The following SYNDIG1 variants were observed in gnomAD, a reference collection of about 807,000 sequenced individuals.
SYNDIG1 encodes the protein synapse differentiation-inducing gene protein 1.
In SYNDIG1, 9 loss-of-function variants were observed where a neutral mutation model predicts 19.4. The observed-to-expected ratio is 0.46, with a 90% CI of 0.28 to 0.81. SYNDIG1 has a LOEUF of 0.81. Ranked by LOEUF, SYNDIG1 falls within the 30% of genes least tolerant of loss-of-function variation. The probability of loss-of-function intolerance (pLI) is 0.12; values close to 1 mark genes in which losing one functional copy is unlikely to be tolerated. For synonymous variants in SYNDIG1, 141 were observed against 145.9 expected (o/e 0.97, Z 0.24); for missense variants, 311 against 343.3 (o/e 0.91, Z 0.74).
At chr20:24,629,574 G>A (rs2059209455) in intron 3 of SYNDIG1, among the ~76,000 whole-genome samples, 1 of 151,922 alleles carries the variant, frequency 6.6e-6, no homozygotes, top group Non-Finnish European at 1.5e-5. Flanking sequence ...CCACGCAGCA[G>A]ACAGCAGCTC....
intron 2 of SYNDIG1, among the ~76,000 whole-genome samples, chr20:24,583,924 T>G (rs1232195795): frequency 2.6e-5 from 4 of 152,156 alleles, no homozygotes; most frequent in Non-Finnish European, 5.9e-5. Flanking sequence ...GCATAACTGC[T>G]GCACACTAGG....
chr20:24,543,935 C>G (rs1910772324), intron 2 of SYNDIG1, among the ~76,000 whole-genome samples: 1 of 152,112 alleles, frequency 6.6e-6, no homozygotes, highest in Admixed American at 6.5e-5. Context: ...GATCCTAGAG[C>G]CACATGAGGC....
intron 1 of SYNDIG1, among the ~76,000 whole-genome samples, chr20:24,471,867 A>G (rs1173123995): frequency 6.6e-6 from 1 of 152,192 alleles, no homozygotes; most frequent in Non-Finnish European, 1.5e-5. Flanking sequence ...TTCAGTCATG[A>G]CACATTGTAT....
intron 1 of SYNDIG1, among the ~76,000 whole-genome samples, chr20:24,476,597 G>A (rs1019394479): frequency 6.6e-6 from 1 of 151,730 alleles, no homozygotes; most frequent in African/African-American, 2.4e-5. Context: ...GTGAACCTGG[G>A]AAGTGGAGCT....
At chr20:24,489,192 A>T (rs1243342833) in intron 1 of SYNDIG1, among the ~76,000 whole-genome samples, 1 of 152,120 alleles carries the variant, frequency 6.6e-6, no homozygotes, top group Non-Finnish European at 1.5e-5. Flanking sequence ...GCACACATAC[A>T]CTCACATGGA....
intron 3 of SYNDIG1, among the ~76,000 whole-genome samples, chr20:24,635,991 C>A (rs377176953): frequency 4.4e-4 from 67 of 152,308 alleles, no homozygotes; most frequent in African/African-American, 1.5e-3. Context: ...TTGTCTTTAG[C>A]ATTCATGAAA....
At chr20:24,575,810 A>T (rs2058218352) in intron 2 of SYNDIG1, among the ~76,000 whole-genome samples, 2 of 152,176 alleles carry the variant, frequency 1.3e-5, no homozygotes, top group African/African-American at 4.8e-5. Context: ...AGCATTATAC[A>T]TTAATTTATT....
At chr20:24,635,638 G>C (rs1303908295) in intron 3 of SYNDIG1, among the ~76,000 whole-genome samples, 1 of 152,156 alleles carries the variant, frequency 6.6e-6, no homozygotes, top group Admixed American at 6.5e-5. Context: ...CTTTTTATAA[G>C]CTTTTTTTAC....
At chr20:24,474,280 A>G (rs2055554178) in intron 1 of SYNDIG1, among the ~76,000 whole-genome samples, 1 of 152,252 alleles carries the variant, frequency 6.6e-6, no homozygotes, top group Admixed American at 6.5e-5. Flanking sequence ...GCATGGTTGG[A>G]TGACAAACTG....
chr20:24,573,153 C>G (rs565342164), intron 2 of SYNDIG1, among the ~76,000 whole-genome samples: 2 of 152,312 alleles, frequency 1.3e-5, no homozygotes, highest in African/African-American at 2.4e-5. Context: ...GTGAGAATTA[C>G]CATGCAAGCA....
intron 2 of SYNDIG1, among the ~76,000 whole-genome samples, chr20:24,573,301 T>C (rs1425924298): frequency 6.6e-6 from 1 of 152,128 alleles, no homozygotes; most frequent in African/African-American, 2.4e-5. Context: ...TCACGTAGAT[T>C]GATGTGGGAT....
intron 1 of SYNDIG1, among the ~76,000 whole-genome samples, chr20:24,536,129 C>T (rs113697150): frequency 2.8e-4 from 42 of 152,282 alleles, no homozygotes; most frequent in African/African-American, 8.4e-4. Flanking sequence ...GCAGTGCAGC[C>T]GCGATGACTT....
intron 1 of SYNDIG1, among the ~76,000 whole-genome samples, chr20:24,523,414 C>T (rs1392434596): frequency 6.6e-6 from 1 of 152,142 alleles, no homozygotes; most frequent in African/African-American, 2.4e-5. Context: ...CAGGGTGAGG[C>T]ACCTTTAAAT....
At position 24,487,063 on chromosome 20, in the gene SYNDIG1, G is replaced by A. The variant is rs900323253; in HGVS notation, c.-79+17310G>A. On this transcript the variant is annotated intron_variant, in intron 1 of 3. Transcript: ENST00000376862. ...GGGCCAAGGTTGGGGGGAGAGGGTC[G>A]GTGGATGTGGGGTGGGGGGTATTTG... Among the ~76,000 whole-genome samples the A allele has an allele frequency of 2.7e-4, 41 of 151,896 alleles. 1 individual carries two copies. The highest frequency in any genetic ancestry group is 9.9e-4 in the African/African-American group (41 of 41,292).
At chr20:24,604,733 C>A (rs1440455917) in intron 3 of SYNDIG1, among the ~76,000 whole-genome samples, 1 of 152,126 alleles carries the variant, frequency 6.6e-6, no homozygotes, top group African/African-American at 2.4e-5. Context: ...AGTAGCCGTT[C>A]TTTTATTCCT....
At chr20:24,530,007 ATAATGATGGTGATGGTCG>A (rs74983384) in intron 1 of SYNDIG1, among the ~76,000 whole-genome samples, 91 of 2,516 alleles carry the variant, frequency 0.036, no homozygotes, top group East Asian at 0.069. Context: ...AGTGGTGGGG[ATAATGATGGTGATGGTCG>A]TGGTGATGGT....
At chr20:24,650,904 C>G (rs1390744798) in intron 3 of SYNDIG1, among the ~76,000 whole-genome samples, 1 of 152,098 alleles carries the variant, frequency 6.6e-6, no homozygotes, top group African/African-American at 2.4e-5. Flanking sequence ...GGTGCGATCT[C>G]GGCTCACTGC....
At chr20:24,580,957 A>T (rs1054255025) in intron 2 of SYNDIG1, among the ~76,000 whole-genome samples, 2 of 152,288 alleles carry the variant, frequency 1.3e-5, no homozygotes, top group African/African-American at 2.4e-5. Flanking sequence ...CCAAGCGTTG[A>T]CTAAGATCGG....
At position 24,517,595 on chromosome 20, in the gene SYNDIG1, G is replaced by A. The variant is rs868244204; in HGVS notation, c.-78-25425G>A. Among the ~76,000 whole-genome samples, 8 of 143,196 alleles carry A rather than the reference G, an allele frequency of 5.6e-5. No individual in the cohort carries two copies. In the Middle Eastern group the frequency reaches 0.016, roughly 280 times the overall value. 93.9% of individuals were successfully genotyped at this position (143,196 alleles called of 152,430 possible). ...GATCGCGCCACTGCACTCCAGCCTG[G>A]GTGACAGAGTGAGACTCTGTGTCAA... is the stretch of plus-strand genomic sequence containing the variant. On this transcript the variant is annotated intron_variant, in intron 1 of 3. Coordinates refer to ENST00000376862, the MANE Select transcript of SYNDIG1 (RefSeq NM_024893.3).
Sources: allele counts gnomAD v4.1 joint callset (sites outside exome capture counted in the v4.1 genomes callset), GRCh38; gene constraint gnomAD v4.1.1; transcripts MANE v1.5; gene names NCBI Gene and HGNC (gene_info 2026-07-23, HGNC 2026-07-21).